LYST: variants seen among roughly 807,000 people sequenced by gnomAD.
LYST encodes the protein lysosomal-trafficking regulator.
A neutral mutation model predicts 413.6 loss-of-function variants in LYST; 192 were observed. That is an observed-to-expected ratio of 0.46 (90% CI 0.41 to 0.52). LYST has a LOEUF of 0.52. Among genes scored for constraint, LYST ranks in the 20% least tolerant of loss-of-function variants. The probability of loss-of-function intolerance (pLI) is 0.00; values close to 1 mark genes in which losing one functional copy is unlikely to be tolerated. For synonymous variants in LYST, 1,525 were observed against 1,567.3 expected, an observed-to-expected ratio of 0.97 and a Z score of 0.64; for missense variants, 3,815 against 4,499.9, an observed-to-expected ratio of 0.85 and a Z score of 4.35.
At chr1:235,742,842 CCA>C (rs1665555019) in intron 30 of LYST, among the ~76,000 whole-genome samples, 1 of 152,038 alleles carries the variant, frequency 6.6e-6, no homozygotes, top group Non-Finnish European at 1.5e-5. Context: ...GTTTTGCTTT[CCA>C]CAGTCAACCA....
At chr1:235,666,014 C>T (rs1047018247) in intron 50 of LYST, among the ~76,000 whole-genome samples, 1 of 151,520 alleles carries the variant, frequency 6.6e-6, no homozygotes, top group Admixed American at 6.6e-5. Context: ...AGAGGCTTTG[C>T]TTCTGTCTTT....
intron 6 of LYST, among the ~76,000 whole-genome samples, chr1:235,805,367 T>A (rs1011259757): frequency 5.3e-5 from 8 of 152,094 alleles, no homozygotes; most frequent in Non-Finnish European, 1.2e-4. Flanking sequence ...CCCAGGCATC[T>A]TCCATCGGTC....
intron 1 of LYST, among the ~76,000 whole-genome samples, chr1:235,876,310 T>C (rs191152344): frequency 5.3e-4 from 81 of 152,230 alleles, no homozygotes; most frequent in Admixed American, 5.2e-3. Flanking sequence ...CAATCCAATA[T>C]AGTTTTCCCT....
chr1:235,727,331 C>T (rs1475630150), intron 38 of LYST, among the ~76,000 whole-genome samples: 1 of 151,936 alleles, frequency 6.6e-6, no homozygotes, highest in Non-Finnish European at 1.5e-5. Flanking sequence ...ACCATGTTGG[C>T]CAGGCTGGTC....
intron 19 of LYST, among the ~76,000 whole-genome samples, chr1:235,773,344 C>A: frequency 6.6e-6 from 1 of 151,068 alleles, no homozygotes; most frequent in African/African-American, 2.4e-5. Context: ...CAAAAGCAAA[C>A]AAACAAAAAA....
Position 235,809,460 on chromosome 1 carries a change from T to G in LYST, c.1358A>C (p.Glu453Ala). 1.2e-6 allele frequency: 2 copies of G among 1,613,988 alleles called. No individual in the cohort carries two copies. The highest frequency in any genetic ancestry group is 1.7e-6 in the Non-Finnish European group (2 of 1,179,976). Reference sequence around the variant, plus strand: ...AACTCCATCTCTTAAAACCAGCCATTCCATTTGAAGAACTGCTGTTTCAAA... The same window carrying G: ...AACTCCATCTCTTAAAACCAGCCATGCCATTTGAAGAACTGCTGTTTCAAA... The part of the protein sequence containing the change: ...NLFETAVLQM[E>A]WLVLRDGVPP... The change falls in exon 5 of 53, where the codon GAA becomes GCA. Residue 453 changes from glutamate (E) to alanine (A), a missense_variant. Transcript: ENST00000389793. The surrounding 1 kb of genome is among the most constrained non-coding windows in gnomAD (Gnocchi z 4.0).
At chr1:235,745,162 AATAATCACC>A (rs1283138963) in intron 29 of LYST, among the ~76,000 whole-genome samples, 1 of 152,188 alleles carries the variant, frequency 6.6e-6, no homozygotes, top group Non-Finnish European at 1.5e-5. Flanking sequence ...TACATTGTCA[AATAATCACC>A]ATAATCAAGC....
rs1440443990 is a variant in LYST at position 235,759,187 on chromosome 1, G to T, written c.6666C>A (p.Ser2222=). Reference sequence around the variant, plus strand: ...TTAGGTAATCAGGTCGGCGTGGGCAGGACTCATCCCCAGGACTGTCATCTT... The same window carrying T: ...TTAGGTAATCAGGTCGGCGTGGGCATGACTCATCCCCAGGACTGTCATCTT... ...RSEDDSPGDE[S]CPRRPDYLKG... The change falls in exon 23 of 53, where the codon TCC becomes TCA. Residue 2222 remains serine (S), a synonymous_variant. Coordinates refer to ENST00000389793, the MANE Select transcript of LYST (RefSeq NM_000081.4). 1.2e-6 allele frequency: 2 copies of T among 1,614,010 alleles called. No individual in the cohort carries two copies. The highest frequency in any genetic ancestry group is 1.7e-6 in the Non-Finnish European group (2 of 1,180,026).
intron 3 of LYST, among the ~76,000 whole-genome samples, chr1:235,817,353 C>A (rs1674267393): frequency 6.6e-6 from 1 of 152,118 alleles, no homozygotes; most frequent in South Asian, 2.1e-4. Flanking sequence ...TACCATTCAA[C>A]CCAGCAATCC....
chr1:235,798,556 C>T (rs12044439), intron 10 of LYST, among the ~76,000 whole-genome samples: 8 of 113,622 alleles, frequency 7.0e-5, no homozygotes, highest in East Asian at 3.3e-4. Context: ...CCAGCCTTGG[C>T]GACAAGGGCA....
chr1:235,856,831 T>G (rs547393144), intron 1 of LYST, among the ~76,000 whole-genome samples: 28 of 152,146 alleles, frequency 1.8e-4, no homozygotes, highest in African/African-American at 6.7e-4. Flanking sequence ...AAACTCTAAG[T>G]CATAATGCAG....
chr1:235,841,197 G>T (rs1677163805), intron 1 of LYST, among the ~76,000 whole-genome samples: 1 of 152,156 alleles, frequency 6.6e-6, no homozygotes, highest in South Asian at 2.1e-4. Context: ...TCCATCTCAT[G>T]GTTTCCAATA....
chr1:235,881,587 T>C (rs1681378422), intron 1 of LYST, among the ~76,000 whole-genome samples: 1 of 152,156 alleles, frequency 6.6e-6, no homozygotes, highest in Non-Finnish European at 1.5e-5. Flanking sequence ...CATTGATAGA[T>C]GAATAAAGAA....
At chr1:235,878,928 T>C (rs1681252043) in intron 1 of LYST, among the ~76,000 whole-genome samples, 1 of 152,190 alleles carries the variant, frequency 6.6e-6, no homozygotes. Context: ...TGCAATTGTA[T>C]TACATGGATA....
At chr1:235,786,693 T>C (rs1360677944) in intron 14 of LYST, among the ~76,000 whole-genome samples, 1 of 152,016 alleles carries the variant, frequency 6.6e-6, no homozygotes, top group Admixed American at 6.5e-5. Flanking sequence ...ATGTGGCACA[T>C]ATACACCATG....
chr1:235,687,128 G>A, intron 47 of LYST, 81 bp from the exon 48 acceptor site: 2 of 967,980 alleles, frequency 2.1e-6, no homozygotes, highest in Admixed American at 2.0e-5. Context: ...ATAAAAGAAT[G>A]AAAAATACTT....
At position 235,809,603 on chromosome 1, in the gene LYST, C is replaced by T. The variant is rs1299856705; in HGVS notation, c.1215G>A (p.Leu405=). Residue 405 remains leucine, a synonymous_variant, in exon 5 of 53, where the codon TTG becomes TTA. Transcript: ENST00000389793. The surrounding 1 kb of genome is among the most constrained non-coding windows in gnomAD (Gnocchi z 4.0). ...AGATCAGAATCTGAAGAACTCCTTCCAAAAGCTCAGGTAAAAGAAGGGCTC... is the reference window on the plus strand; with the variant it reads ...AGATCAGAATCTGAAGAACTCCTTCTAAAAGCTCAGGTAAAAGAAGGGCTC... ...RHRALLLPEL[L]EGVLQILICC... 2.5e-6 allele frequency: 4 copies of T among 1,613,856 alleles called. No individual in the cohort carries two copies. The highest frequency in any genetic ancestry group is 1.3e-5 in the African/African-American group (1 of 74,902).
intron 1 of LYST, among the ~76,000 whole-genome samples, chr1:235,875,266 C>T (rs1417618988): frequency 1.3e-5 from 2 of 152,160 alleles, no homozygotes; most frequent in Non-Finnish European, 2.9e-5. Flanking sequence ...CTTCTGCTCC[C>T]ACTGTAGCTG....
chr1:235,777,921 C>T (rs1440972480), intron 16 of LYST, among the ~76,000 whole-genome samples: 1 of 151,604 alleles, frequency 6.6e-6, no homozygotes, highest in Non-Finnish European at 1.5e-5. Context: ...ATTTTAAATA[C>T]AGAATGCATG....
Sources: allele counts gnomAD v4.1 joint callset (sites outside exome capture counted in the v4.1 genomes callset), GRCh38; gene constraint gnomAD v4.1.1; non-coding constraint Gnocchi (gnomAD v3.1); transcripts MANE v1.5; gene names NCBI Gene and HGNC (gene_info 2026-07-23, HGNC 2026-07-21).